The following ABHD12 variants were observed in gnomAD, a reference collection of about 807,000 sequenced individuals.
ABHD12 encodes the protein abhydrolase domain containing 12, lysophospholipase, also known as lysophosphatidylserine lipase ABHD12.
ABHD12 carries 43 observed loss-of-function variants against 58.3 expected under a neutral mutation model. The observed-to-expected ratio is 0.74, with a 90% confidence interval of 0.58 to 0.95. ABHD12 has a LOEUF of 0.95. Among genes scored for constraint, ABHD12 ranks in the 40% least tolerant of loss-of-function variants. ABHD12 has a pLI of 0.00. For missense variants in ABHD12, 539 were observed against 537.2 expected (o/e 1.00, Z -0.03); for synonymous variants, 219 against 211.2 (o/e 1.04, Z -0.32).
At chr20:25,305,599 G>C (rs556372769) in intron 10 of ABHD12, among the ~76,000 whole-genome samples, 1 of 151,236 alleles carries the variant, frequency 6.6e-6, no homozygotes, top group Non-Finnish European at 1.5e-5. Context: ...CTGACCATGT[G>C]ATCTGCCCAC....
chr20:25,312,351 G>C (rs532647165), intron 6 of ABHD12, among the ~76,000 whole-genome samples: 1 of 151,946 alleles, frequency 6.6e-6, no homozygotes, highest in Non-Finnish European at 1.5e-5. Flanking sequence ...ACTGGTTTTC[G>C]TATTTTTTTG....
chr20:25,320,053 C>G, intron 4 of ABHD12, 146 bp downstream of exon 4: 1 of 1,126,546 alleles, frequency 8.9e-7, no homozygotes, highest in Non-Finnish European at 1.3e-6. Flanking sequence ...TCTTGGGAGG[C>G]TCTCCCTCAT....
intron 6 of ABHD12, 152 bp from the exon 7 acceptor site, chr20:25,309,727 T>C: frequency 8.8e-7 from 1 of 1,141,870 alleles, no homozygotes. Context: ...CCCAGGCCAC[T>C]GGGCAGAGCA....
intron 2 of ABHD12, among the ~76,000 whole-genome samples, chr20:25,335,003 TCA>T (rs2089339630): frequency 6.6e-6 from 1 of 152,020 alleles, no homozygotes; most frequent in Non-Finnish European, 1.5e-5. Context: ...GAAACTACCA[TCA>T]GAGTGAATAG....
At chr20:25,389,834 A>C (rs1322407289) in intron 1 of ABHD12, 1 of 152,242 alleles carries the variant, frequency 6.6e-6, no homozygotes, top group Non-Finnish European at 1.5e-5. Flanking sequence ...CGATGCTCCG[A>C]GTCCCTCCTT....
intron 1 of ABHD12, among the ~76,000 whole-genome samples, chr20:25,375,724 T>G (rs1227988469): frequency 6.6e-6 from 1 of 150,798 alleles, no homozygotes; most frequent in Non-Finnish European, 1.5e-5. Context: ...TTTTAAAAAT[T>G]GTTTCGTGTA....
At position 25,322,379 on chromosome 20, in the gene ABHD12, A is replaced by ATTTT. The variant is rs1290185808; in HGVS notation, c.422+945_422+946insAAAA. Among the ~76,000 whole-genome samples the ATTTT allele has an allele frequency of 7.8e-4, 42 of 53,690 alleles. 2 individuals are homozygous for ATTTT. The highest frequency in any genetic ancestry group is 2.7e-3 in the African/African-American group (36 of 13,094). 35.2% of individuals were successfully genotyped at this position (53,690 alleles called of 152,430 possible). ...TTGGAAAAGATATATATATATATATATATTTTTTTTTTTTTTTGAGACAAG... is the reference window on the plus strand; with the variant it reads ...TTGGAAAAGATATATATATATATATATTTTTATTTTTTTTTTTTTTTGAGACAAG... On this transcript the variant is annotated intron_variant, in intron 3 of 12. Coordinates refer to ENST00000339157, the MANE Select transcript of ABHD12 (RefSeq NM_001042472.3).
At chr20:25,378,786 G>A (rs1413759041) in intron 1 of ABHD12, among the ~76,000 whole-genome samples, 2 of 151,126 alleles carry the variant, frequency 1.3e-5, no homozygotes, top group African/African-American at 2.4e-5. Flanking sequence ...TGAGGTATGC[G>A]TGTATTCCCT....
intron 12 of ABHD12, among the ~76,000 whole-genome samples, chr20:25,301,895 G>A (rs557312551): frequency 3.3e-5 from 5 of 152,354 alleles, no homozygotes; most frequent in South Asian, 4.1e-4. Flanking sequence ...GAAGAGATCC[G>A]AGGCCTGCAA....
chr20:25,330,021 C>T (rs369661630), intron 2 of ABHD12, among the ~76,000 whole-genome samples: 4 of 152,338 alleles, frequency 2.6e-5, no homozygotes, highest in Admixed American at 1.3e-4. Flanking sequence ...ACACAGAAGA[C>T]GGGTGATTTC....
At chr20:25,298,266 TTTG>T (rs1445064470), downstream of ABHD12, among the ~76,000 whole-genome samples, 2 of 121,894 alleles carry the variant, frequency 1.6e-5, no homozygotes, top group Non-Finnish European at 3.7e-5. Context: ...AACGGCTAGT[TTTG>T]TTTTTTTGTT....
chr20:25,340,265 T>C (rs923943952), intron 1 of ABHD12, among the ~76,000 whole-genome samples: 11 of 152,262 alleles, frequency 7.2e-5, no homozygotes, highest in African/African-American at 2.7e-4. Flanking sequence ...TAAACAATAT[T>C]TGTTATGAAA....
chr20:25,381,020 C>T (rs2090015699), intron 1 of ABHD12, among the ~76,000 whole-genome samples: 1 of 152,204 alleles, frequency 6.6e-6, no homozygotes, highest in Non-Finnish European at 1.5e-5. Context: ...CTTCTTATCT[C>T]CACAGCTGCT....
At chr20:25,373,914 G>A (rs1279672604) in intron 1 of ABHD12, among the ~76,000 whole-genome samples, 2 of 151,964 alleles carry the variant, frequency 1.3e-5, no homozygotes, top group Non-Finnish European at 2.9e-5. Flanking sequence ...TTGTCCCATA[G>A]CATAGTGATG....
chr20:25,306,834 T>G lies in ABHD12; in HGVS notation c.949A>C (p.Asn317His). ...SSGIKFANDE[N>H]VKHISCPLLI... ...TAGTTCCTGTCCCATAATACTCACT[T>G]TTCATCATTTGCAAATTTAATTCCA... The change falls in exon 10 of 13, where the codon AAC becomes CAC. Residue 317 changes from asparagine (N) to histidine (H), a missense_variant and splice_region_variant. Asn to His is a moderately conservative substitution (Grantham distance 68). Transcript: ENST00000339157. The G allele has an allele frequency of 6.2e-7, 1 of 1,605,470 alleles. No homozygotes were observed. Among genetic ancestry groups the G allele is most frequent in the Non-Finnish European group, 8.5e-7 (1 of 1,172,468 alleles).
intron 1 of ABHD12, among the ~76,000 whole-genome samples, chr20:25,366,945 T>TTC: frequency 6.6e-6 from 1 of 152,216 alleles, no homozygotes; most frequent in Non-Finnish European, 1.5e-5. Flanking sequence ...CTCATGGCAC[T>TTC]TCTGTAGGTC....
At chr20:25,375,480 GTC>G (rs767363310) in intron 1 of ABHD12, among the ~76,000 whole-genome samples, 1 of 152,134 alleles carries the variant, frequency 6.6e-6, no homozygotes, top group African/African-American at 2.4e-5. Flanking sequence ...AGACCCCAGG[GTC>G]TCTCTCTGTG....
intron 1 of ABHD12, among the ~76,000 whole-genome samples, chr20:25,379,998 A>C (rs2090003622): frequency 6.6e-6 from 1 of 152,146 alleles, no homozygotes; most frequent in Non-Finnish European, 1.5e-5. Flanking sequence ...TGGCAGGAGT[A>C]CAGGTGTGTG....
intron 1 of ABHD12, among the ~76,000 whole-genome samples, chr20:25,344,658 AACTG>A (rs2089495350): frequency 6.6e-6 from 1 of 152,228 alleles, no homozygotes; most frequent in Non-Finnish European, 1.5e-5. Flanking sequence ...GATATTGACA[AACTG>A]ATCCTAAAGT....
Sources: allele counts gnomAD v4.1 joint callset (sites outside exome capture counted in the v4.1 genomes callset), GRCh38; gene constraint gnomAD v4.1.1; transcripts MANE v1.5; gene names NCBI Gene and HGNC (gene_info 2026-07-23, HGNC 2026-07-21).